The following ISCA1 variants were observed in gnomAD, a reference collection of about 807,000 sequenced individuals.
The protein encoded by ISCA1 is iron-sulfur cluster assembly 1.
Under a neutral mutation model 14.7 loss-of-function variants are expected in ISCA1, and 9 were observed. That is an observed-to-expected ratio of 0.61 (90% CI 0.37 to 1.07). The LOEUF (loss-of-function observed/expected upper bound fraction) is 1.07. Among genes scored for constraint, ISCA1 ranks in the 50% least tolerant of loss-of-function variants. ISCA1 has a pLI of 0.01. For missense variants in ISCA1, 102 were observed against 150.1 expected (o/e 0.68, Z 1.67); for synonymous variants, 38 against 54.3 (o/e 0.70, Z 1.32).
intron 2 of ISCA1, among the ~76,000 whole-genome samples, chr9:86,272,672 C>T (rs1239624641): frequency 6.6e-6 from 1 of 152,166 alleles, no homozygotes; most frequent in African/African-American, 2.4e-5. Context: ...ATACAGTCAT[C>T]CCTTAGTATG....
At chr9:86,277,062 T>G (rs1005534093) in intron 1 of ISCA1, among the ~76,000 whole-genome samples, 2 of 152,142 alleles carry the variant, frequency 1.3e-5, no homozygotes, top group African/African-American at 4.8e-5. Flanking sequence ...TAATTTTTTT[T>G]ATCTCCAAGT....
intron 3 of ISCA1, 43 bp from the exon 4 acceptor site, chr9:86,266,234 T>C: frequency 4.5e-6 from 7 of 1,551,122 alleles, no homozygotes; most frequent in Non-Finnish European, 5.2e-6. Context: ...CCTGCAGCCT[T>C]ATGGAACTTG....
chr9:86,269,832 G>C (rs1309122937), intron 3 of ISCA1, among the ~76,000 whole-genome samples: 1 of 152,110 alleles, frequency 6.6e-6, no homozygotes, highest in South Asian at 2.1e-4. Flanking sequence ...ACAAAAACAA[G>C]CAATGGGGAA....
At chr9:86,267,023 C>G (rs901899683) in intron 3 of ISCA1, 3 of 152,158 alleles carry the variant, frequency 2.0e-5, no homozygotes, top group African/African-American at 7.2e-5. Flanking sequence ...TTTAAGAAAG[C>G]TTTCTAGTCT....
In ISCA1 at chr9:86,266,112, G is replaced by A; in HGVS notation, c.321C>T (p.Ser107=). ...TTGGGTTATTGAACACAAACTCACT[G>A]GATAATTTGTCTTCAACATAGTCCA... The part of the protein sequence containing the change: ...TEMDYVEDKL[S]SEFVFNNPNI... The change falls in exon 4 of 4, where the codon TCC becomes TCT. Residue 107 remains serine, a synonymous_variant. Transcript: ENST00000375991. 6.2e-7 allele frequency: 1 copy of A among 1,612,954 alleles called. No individual in the cohort carries two copies. The highest frequency in any genetic ancestry group is 8.5e-7 in the Non-Finnish European group (1 of 1,179,654).
At chr9:86,281,525 T>C (rs971301456) in intron 1 of ISCA1, among the ~76,000 whole-genome samples, 3 of 152,182 alleles carry the variant, frequency 2.0e-5, no homozygotes, top group South Asian at 4.1e-4. Flanking sequence ...TGGAACTAGA[T>C]AGAGGTGATG....
intron 3 of ISCA1, chr9:86,267,240 C>A (rs1317413519): frequency 1.4e-6 from 1 of 735,346 alleles, no homozygotes; most frequent in African/African-American, 1.9e-5. Context: ...ACAAACAAAA[C>A]AACGAAACAA....
chr9:86,281,146 C>G (rs1825511098), intron 1 of ISCA1, among the ~76,000 whole-genome samples: 1 of 152,110 alleles, frequency 6.6e-6, no homozygotes. Flanking sequence ...GTTCTTAAAA[C>G]CTTGTTTAAT....
intron 3 of ISCA1, 131 bp downstream of exon 3, chr9:86,271,875 AC>A (rs1325580469): frequency 1.6e-5 from 10 of 613,942 alleles, no homozygotes; most frequent in Non-Finnish European, 2.9e-5. Flanking sequence ...ATTCCATCAA[AC>A]AACACCTACA....
chr9:86,270,840 A>G (rs1825359452), intron 3 of ISCA1, among the ~76,000 whole-genome samples: 1 of 149,642 alleles, frequency 6.7e-6, no homozygotes, highest in Non-Finnish European at 1.5e-5. Context: ...AACTATCGCA[A>G]GGACAAAAAA....
chr9:86,271,122 TA>T (rs1386040037), intron 3 of ISCA1, among the ~76,000 whole-genome samples: 2 of 151,946 alleles, frequency 1.3e-5, no homozygotes, highest in African/African-American at 2.4e-5. Flanking sequence ...GAAATTTCAC[TA>T]TACTTTTTCT....
chr9:86,280,850 C>G (rs1395835024), intron 1 of ISCA1, among the ~76,000 whole-genome samples: 1 of 151,898 alleles, frequency 6.6e-6, no homozygotes, highest in East Asian at 1.9e-4. Flanking sequence ...ATCGCTTGGG[C>G]CCAGGAGGTT....
intron 1 of ISCA1, chr9:86,282,049 A>C: frequency 6.5e-6 from 2 of 308,852 alleles, no homozygotes; most frequent in Non-Finnish European, 1.2e-5. Context: ...GAACGGCCGA[A>C]CAGCGCAGGC....
At chr9:86,282,039 G>C (rs1341332930) in intron 1 of ISCA1, 2 of 285,802 alleles carry the variant, frequency 7.0e-6, no homozygotes, top group East Asian at 6.8e-5. Flanking sequence ...TGCTTAACCG[G>C]AACGGCCGAA....
chr9:86,274,700 C>T, intron 1 of ISCA1, among the ~76,000 whole-genome samples: 1 of 152,100 alleles, frequency 6.6e-6, no homozygotes, highest in African/African-American at 2.4e-5. Context: ...TTCTTACTCA[C>T]AATCCATTTC....
intron 1 of ISCA1, among the ~76,000 whole-genome samples, chr9:86,280,286 T>A (rs770383440): frequency 6.6e-6 from 1 of 152,034 alleles, no homozygotes; most frequent in African/African-American, 2.4e-5. Flanking sequence ...GGGACTGACA[T>A]AGAAATTCTG....
chr9:86,272,675 T>C (rs1825386118), intron 2 of ISCA1, among the ~76,000 whole-genome samples: 1 of 152,232 alleles, frequency 6.6e-6, no homozygotes, highest in Admixed American at 6.5e-5. Context: ...CAGTCATCCC[T>C]TAGTATGCAT....
intron 2 of ISCA1, among the ~76,000 whole-genome samples, chr9:86,273,612 T>C (rs1238184018): frequency 1.3e-5 from 2 of 152,132 alleles, no homozygotes; most frequent in Non-Finnish European, 2.9e-5. Flanking sequence ...AAAAAATTTA[T>C]GGTAGGAAGA....
Position 86,266,193 on chromosome 9 carries a change from T to C in ISCA1, c.242-2A>G. ...TCTTTTCGATGAATACTCTGACTCC[T>C]TGGAGAAAAGAAAACATGTGTCATG... On this transcript the variant is annotated splice_acceptor_variant, in intron 3 of 3. Transcript: ENST00000375991. LOFTEE classifies it high-confidence loss of function. 2.5e-6 allele frequency: 4 copies of C among 1,599,472 alleles called. No homozygotes were observed. In the South Asian group the frequency reaches 4.5e-5, roughly 18 times the overall value.
Sources: allele counts gnomAD v4.1 joint callset (sites outside exome capture counted in the v4.1 genomes callset), GRCh38; gene constraint gnomAD v4.1.1; transcripts MANE v1.5; gene names NCBI Gene and HGNC (gene_info 2026-07-23, HGNC 2026-07-21).